VEZF1: variants seen among roughly 807,000 people sequenced by gnomAD.
VEZF1 encodes vascular endothelial zinc finger 1.
VEZF1 carries 5 observed loss-of-function variants against 44.1 expected under a neutral mutation model. The observed-to-expected ratio is 0.11, with a 90% CI of 0.06 to 0.24. The LOEUF (loss-of-function observed/expected upper bound fraction) is 0.24. Among genes scored for constraint, VEZF1 ranks in the 10% least tolerant of loss-of-function variants. The pLI, the probability that VEZF1 is intolerant of heterozygous loss-of-function variation, is 1.00. For missense variants in VEZF1, 358 were observed against 641.8 expected (o/e 0.56, Z 4.78); for synonymous variants, 236 against 233.1 (o/e 1.01, Z -0.11).
At chr17:57,983,973 TAC>T (rs2075273832) in intron 1 of VEZF1, among the ~76,000 whole-genome samples, 1 of 152,238 alleles carries the variant, frequency 6.6e-6, no homozygotes, top group Non-Finnish European at 1.5e-5. Context: ...CACTTGACTC[TAC>T]TAAAAGGTTT....
chr17:57,973,727 T>C lies in VEZF1; in HGVS notation c.*746A>G, dbSNP rs972798263. 1 of 152,084 alleles carries C rather than the reference T, an allele frequency of 6.6e-6. No individual in the cohort carries two copies. Among genetic ancestry groups the C allele is most frequent in the Non-Finnish European group, 1.5e-5 (1 of 68,026 alleles). 9.4% of individuals were successfully genotyped at this position (152,084 alleles called of 1,614,324 possible). A position where few individuals can be genotyped will look rare whatever the true frequency, so the allele number is the denominator to read the frequency against. On this transcript the variant is annotated 3_prime_UTR_variant, in exon 6 of 6. Coordinates refer to ENST00000581208, the MANE Select transcript of VEZF1 (RefSeq NM_007146.3). ...GAGGCTTTTCTTAGCAAAACACAATTTGTAGATTTTTTTTAAATTTTTTTT... is the reference window on the plus strand; with the variant it reads ...GAGGCTTTTCTTAGCAAAACACAATCTGTAGATTTTTTTTAAATTTTTTTT...
Position 57,979,187 on chromosome 17 carries a change from C to T in VEZF1, c.1103G>A (p.Arg368Lys), listed in dbSNP as rs1435195399. Residue 368 changes from arginine (R) to lysine (K), a missense_variant, in exon 5 of 6, where the codon AGA (arginine) becomes AAA (lysine). Around this residue, in one of 4 missense-constraint regions of VEZF1, gnomAD observed 171 missense variants for 272.4 expected, o/e 0.63. Transcript: ENST00000581208. ...SWPGKQVETL[R>K]LWEEAVKARK... is the part of the protein sequence containing the mutation. ...TGCTTTAACAGCTTCTTCCCACAGT[C>T]TCAGTGTTTCTACTTGCTTCCCTGG... is the stretch of plus-strand genomic sequence containing the variant. The T allele has an allele frequency of 6.2e-7, 1 of 1,613,720 alleles. No individual in the cohort carries two copies. The highest frequency in any genetic ancestry group is 8.5e-7 in the Non-Finnish European group (1 of 1,180,014).
In VEZF1 at chr17:57,973,270, C is replaced by T. The variant is rs1207891624; in HGVS notation, c.*1203G>A. 1 of 151,890 alleles carries T rather than the reference C, an allele frequency of 6.6e-6. No individual in the cohort carries two copies. The allele number at this position is 151,890 out of a possible 1,614,324, so 9.4% of individuals were successfully genotyped here. A position where few individuals can be genotyped will look rare whatever the true frequency, so the allele number is the denominator to read the frequency against. On this transcript the variant is annotated 3_prime_UTR_variant, in exon 6 of 6. Coordinates refer to ENST00000581208, the MANE Select transcript of VEZF1 (RefSeq NM_007146.3). ...CTACAGGGAATGCAGACAGCTGTCT[C>T]CCTGAAAACACCACAAAGCTGATAC...
intron 4 of VEZF1, 95 bp downstream of exon 4, chr17:57,980,507 CG>C: frequency 8.1e-7 from 1 of 1,232,566 alleles, no homozygotes; most frequent in Non-Finnish European, 1.2e-6. Context: ...GGAGGAAACA[CG>C]TAAGGTGAAT....
intron 3 of VEZF1, among the ~76,000 whole-genome samples, chr17:57,981,138 T>C (rs1350115385): frequency 1.3e-5 from 2 of 152,192 alleles, no homozygotes; most frequent in African/African-American, 4.8e-5. Context: ...GGGGATAACA[T>C]CTCTCACAAA....
chr17:57,986,538 A>C (rs1179783124), intron 1 of VEZF1, among the ~76,000 whole-genome samples: 1 of 152,200 alleles, frequency 6.6e-6, no homozygotes, highest in South Asian at 2.1e-4. Context: ...TCATCAAAGT[A>C]CAATAAAACA....
At chr17:57,985,515 G>C in intron 1 of VEZF1, 1 of 894,502 alleles carries the variant, frequency 1.1e-6, no homozygotes, top group Non-Finnish European at 1.3e-6. Flanking sequence ...CTTCAGTTAA[G>C]TGATTTATTT....
At chr17:57,985,711 A>G (rs906677139) in intron 1 of VEZF1, among the ~76,000 whole-genome samples, 1 of 152,242 alleles carries the variant, frequency 6.6e-6, no homozygotes, top group Non-Finnish European at 1.5e-5. Context: ...ATATGGCACC[A>G]TGAAATCTCC....
intron 1 of VEZF1, 91 bp from the exon 2 acceptor site, chr17:57,983,484 C>G: frequency 8.5e-7 from 1 of 1,170,912 alleles, no homozygotes; most frequent in African/African-American, 1.5e-5. Context: ...CCAGAAGAAA[C>G]AGTCAAAGAA....
chr17:57,974,557 T>C lies in VEZF1; in HGVS notation c.1482A>G (p.Leu494=). 6.2e-7 allele frequency: 1 copy of C among 1,614,188 alleles called. No individual in the cohort carries two copies. Among genetic ancestry groups the C allele is most frequent in the Non-Finnish European group, 8.5e-7 (1 of 1,180,038 alleles). Residue 494 remains leucine (L), a synonymous_variant, in exon 6 of 6, where the codon TTA becomes TTG. Transcript: ENST00000581208. ...TCATTGCTATATTGAGAGGGGCGGCTAATGTCATAGGTGTGGGTAGATTCA... is the reference window on the plus strand; with the variant it reads ...TCATTGCTATATTGAGAGGGGCGGCCAATGTCATAGGTGTGGGTAGATTCA... ...SPMNLPTPMT[L]AAPLNIAMRP... is the part of the protein sequence containing the mutation.
rs772919597 is a variant in VEZF1, at chr17:57,983,161, A to C, written c.266T>G (p.Leu89Arg). ...CSKAFRDSYH[L>R]RRHESCHTGI... ...TGTGTGGCAGGATTCGTGGCGCCTC[A>C]GGTGATAGCTGTCCCTGAAAGCTTT... Residue 89 changes from leucine (L) to arginine (R), a missense_variant, in exon 2 of 6, where the codon CTG becomes CGG. Physicochemically the swap from Leu to Arg is moderately radical, Grantham distance 102 (BLOSUM62 -2). This residue lies in a region of VEZF1 where 117 missense variants were observed against 207.2 expected (regional missense o/e 0.56). Transcript: ENST00000581208. 3 of 1,614,034 alleles carry C rather than the reference A, an allele frequency of 1.9e-6. No individual in the cohort carries two copies. Among genetic ancestry groups the C allele is most frequent in the Non-Finnish European group, 2.5e-6 (3 of 1,180,014 alleles).
In VEZF1 at chr17:57,973,119, G is replaced by A. The variant is rs1166286306; in HGVS notation, c.*1354C>T. 3 of 151,954 alleles carry A rather than the reference G, an allele frequency of 2.0e-5. No homozygotes were observed. The highest frequency in any genetic ancestry group is 6.6e-5 in the Admixed American group (1 of 15,256). 9.4% of individuals were successfully genotyped at this position (151,954 alleles called of 1,614,324 possible). ...TAACGCAATGCTTTAAAAACAATGC[G>A]TGGCATGATGGTGTAAAGAGTATCT... On this transcript the variant is annotated 3_prime_UTR_variant, in exon 6 of 6. Transcript: ENST00000581208.
At chr17:57,978,503 T>C (rs1054599404) in intron 5 of VEZF1, among the ~76,000 whole-genome samples, 1 of 152,222 alleles carries the variant, frequency 6.6e-6, no homozygotes, top group Admixed American at 6.5e-5. Flanking sequence ...TGAAAACTGA[T>C]ACTCCAACTG....
chr17:57,987,069 G>A (rs923094544), intron 1 of VEZF1, among the ~76,000 whole-genome samples: 2 of 152,238 alleles, frequency 1.3e-5, no homozygotes, highest in Admixed American at 6.5e-5. Context: ...GCGGGCAAGA[G>A]AATTGCCAAA....
At position 57,984,937 on chromosome 17, in the gene VEZF1, T is replaced by C. The variant is rs192551707; in HGVS notation, c.34-1544A>G. Among the ~76,000 whole-genome samples, 34 of 152,366 alleles carry C rather than the reference T, an allele frequency of 2.2e-4. No homozygotes were observed. The East Asian group carries it at 6.6e-3, about 29-fold the overall frequency. On this transcript the variant is annotated intron_variant, in intron 1 of 5. Coordinates refer to ENST00000581208, the MANE Select transcript of VEZF1 (RefSeq NM_007146.3). ...CTGGACTTAACTGCTCCTAGCAAAT[T>C]ACAGTCCGCTTTTAATCTAATTTGT...
At chr17:57,978,299 A>G (rs1010672260) in intron 5 of VEZF1, among the ~76,000 whole-genome samples, 1 of 152,156 alleles carries the variant, frequency 6.6e-6, no homozygotes, top group African/African-American at 2.4e-5. Context: ...ACAGAAAAGG[A>G]ATTACATACA....
chr17:57,983,337 G>C lies in VEZF1; in HGVS notation c.90C>G (p.Leu30=). Residue 30 remains leucine (L), a synonymous_variant, in exon 2 of 6, where the codon CTC becomes CTG. Transcript: ENST00000581208. ...CAGGGGGCTCCACGGCAGAGCTCAG[G>C]AGGGGCAGCAAGCTGTTCTGTGCTG... ...QQAAQNSLLP[L]LSSAVEPPDQ... is the part of the protein sequence containing the mutation. 6.2e-7 allele frequency: 1 copy of C among 1,614,088 alleles called. No homozygotes were observed. The highest frequency in any genetic ancestry group is 8.5e-7 in the Non-Finnish European group (1 of 1,180,048).
intron 4 of VEZF1, among the ~76,000 whole-genome samples, chr17:57,980,007 T>C (rs1302107778): frequency 1.4e-5 from 2 of 145,182 alleles, no homozygotes; most frequent in African/African-American, 2.5e-5. Context: ...AAAACAGAAG[T>C]GAATGCTTAT....
chr17:57,987,610 G>A (rs1205145071), intron 1 of VEZF1, among the ~76,000 whole-genome samples: 1 of 152,030 alleles, frequency 6.6e-6, no homozygotes, highest in Non-Finnish European at 1.5e-5. Flanking sequence ...GAGAACAAGC[G>A]AAAGATGGAT....
Sources: gnomAD v4.1 joint callset for allele counts (sites outside exome capture counted in the v4.1 genomes callset) on GRCh38, gnomAD v4.1.1 for gene constraint, gnomAD v4.1.1 regional missense constraint, MANE v1.5 for transcripts, NCBI Gene and HGNC (gene_info 2026-07-23, HGNC 2026-07-21) for gene names.